Variants in CCDC73 observed in about 807,000 individuals in gnomAD.
CCDC73 encodes the protein coiled-coil domain-containing protein 73.
A neutral mutation model predicts 116.5 loss-of-function variants in CCDC73; 95 were observed. The ratio of observed to expected loss-of-function variants is 0.82; its 90% CI spans 0.69 to 0.97. The LOEUF is 0.97. Ranked by LOEUF, CCDC73 falls within the 50% of genes least tolerant of loss-of-function variation. CCDC73 has a pLI of 0.00. For missense variants in CCDC73, 1,066 were observed against 1,206.8 expected (o/e 0.88, Z 1.73); for synonymous variants, 398 against 401.3 (o/e 0.99, Z 0.10).
chr11:32,810,632 A>G, the CCDC73 span, among the ~76,000 whole-genome samples: 1 of 152,198 alleles, frequency 6.6e-6, no homozygotes, highest in Non-Finnish European at 1.5e-5. Flanking sequence ...ATATAGAATA[A>G]TAAGAGAAAA....
At chr11:32,738,033 T>C (rs1850151232) in intron 2 of CCDC73, among the ~76,000 whole-genome samples, 1 of 152,212 alleles carries the variant, frequency 6.6e-6, no homozygotes, top group South Asian at 2.1e-4. Flanking sequence ...ATCTCATTCT[T>C]CTTTATGGCT....
At chr11:32,745,905 T>G (rs1850233930) in intron 2 of CCDC73, among the ~76,000 whole-genome samples, 1 of 152,138 alleles carries the variant, frequency 6.6e-6, no homozygotes, top group Non-Finnish European at 1.5e-5. Flanking sequence ...TCTTTTAGTT[T>G]GGGCATTTAG....
chr11:32,626,065 G>A (rs978263361), intron 14 of CCDC73, among the ~76,000 whole-genome samples: 29 of 147,586 alleles, frequency 2.0e-4, no homozygotes, highest in African/African-American at 6.7e-4. Context: ...TGACATGATT[G>A]TATGTCTAGA....
intron 9 of CCDC73, among the ~76,000 whole-genome samples, chr11:32,670,890 G>GT (rs1856032320): frequency 6.6e-6 from 1 of 152,044 alleles, no homozygotes; most frequent in South Asian, 2.1e-4. Context: ...ACTGACAAAA[G>GT]TAAAAACTAG....
intron 6 of CCDC73, among the ~76,000 whole-genome samples, chr11:32,689,863 CG>C (rs1300162124): frequency 6.6e-6 from 1 of 151,998 alleles, no homozygotes; most frequent in Non-Finnish European, 1.5e-5. Flanking sequence ...GGAGTGGTGG[CG>C]GGCGCCTGTG....
chr11:32,699,021 A>C (rs1006842521), intron 6 of CCDC73, among the ~76,000 whole-genome samples: 1 of 151,934 alleles, frequency 6.6e-6, no homozygotes, highest in Non-Finnish European at 1.5e-5. Context: ...CTATTTAACT[A>C]TATTAATAAG....
rs1356986265 is a variant in CCDC73, at chr11:32,602,858, TC to T, written c.3192del (p.Arg1066GlufsTer13). The T allele has an allele frequency of 3.1e-6, 5 of 1,609,660 alleles. No individual in the cohort carries two copies. Among genetic ancestry groups the T allele is most frequent in the South Asian group, 1.1e-5 (1 of 90,168 alleles). ...LLSLENDNQP[K>X]KRKAEETLEK... ...TCCAACGTCTCTTCTGCTTTTCTTT[TC>T]TTTGGCTGGTTGTCATTTTCTAAAC... On this transcript the variant is annotated frameshift_variant, in exon 18 of 18. Transcript: ENST00000335185. LOFTEE classifies it high-confidence loss of function.
At chr11:32,606,549 C>G (rs1266270768) in intron 17 of CCDC73, among the ~76,000 whole-genome samples, 16 of 152,176 alleles carry the variant, frequency 1.1e-4, no homozygotes, top group Non-Finnish European at 2.9e-5. Context: ...GTAATAAGCA[C>G]TTAGAAAATG....
chr11:32,763,025 C>T (rs1418194216), intron 1 of CCDC73, among the ~76,000 whole-genome samples: 1 of 152,232 alleles, frequency 6.6e-6, no homozygotes, highest in Non-Finnish European at 1.5e-5. Context: ...TGAGACCTAA[C>T]TGCAAGGCGG....
intron 14 of CCDC73, among the ~76,000 whole-genome samples, chr11:32,620,355 C>A (rs1186752980): frequency 6.6e-6 from 1 of 152,094 alleles, no homozygotes; most frequent in African/African-American, 2.4e-5. Flanking sequence ...AACACACATG[C>A]ACCCAAGACA....
intron 6 of CCDC73, among the ~76,000 whole-genome samples, chr11:32,693,357 G>A (rs1398681143): frequency 1.3e-5 from 2 of 152,212 alleles, no homozygotes; most frequent in South Asian, 2.1e-4. Context: ...GGGGTTGGGA[G>A]AAATCACAAG....
chr11:32,644,561 G>A (rs554489125), intron 12 of CCDC73, among the ~76,000 whole-genome samples: 173 of 152,192 alleles, frequency 1.1e-3, no homozygotes, highest in Admixed American at 1.9e-3. Flanking sequence ...TCACAATGTT[G>A]TACAACTATC....
chr11:32,796,132 A>C (rs1850726004), upstream of CCDC73, among the ~76,000 whole-genome samples: 1 of 152,176 alleles, frequency 6.6e-6, no homozygotes, highest in Admixed American at 6.5e-5. Flanking sequence ...ACACCCATGC[A>C]CATCCCCTAC....
chr11:32,817,063 G>T, the CCDC73 span, among the ~76,000 whole-genome samples: 1 of 152,192 alleles, frequency 6.6e-6, no homozygotes, highest in African/African-American at 2.4e-5. Context: ...GGGATTACAG[G>T]CGTGAGCCAC....
intron 2 of CCDC73, among the ~76,000 whole-genome samples, chr11:32,724,580 G>T (rs371662503): frequency 1.0e-5 from 1 of 97,150 alleles, no homozygotes; most frequent in Non-Finnish European, 2.2e-5. Flanking sequence ...ACTTACTTCC[G>T]ATTTTTTAGA....
chr11:32,718,684 C>A (rs1849965740), intron 2 of CCDC73, among the ~76,000 whole-genome samples: 1 of 152,108 alleles, frequency 6.6e-6, no homozygotes, highest in Admixed American at 6.5e-5. Flanking sequence ...GGGAGGGCAA[C>A]AGAAACTATA....
chr11:32,797,286 A>G (rs1264039235), upstream of CCDC73, among the ~76,000 whole-genome samples: 1 of 152,124 alleles, frequency 6.6e-6, no homozygotes, highest in Non-Finnish European at 1.5e-5. Flanking sequence ...CACTCCAGCC[A>G]GGGTGACAGA....
intron 14 of CCDC73, among the ~76,000 whole-genome samples, chr11:32,620,509 G>C (rs1238329511): frequency 1.3e-5 from 2 of 150,942 alleles, no homozygotes. Flanking sequence ...TACTTGGGAG[G>C]CTGAGGCAGG....
In CCDC73 at chr11:32,755,175, C is replaced by T. The variant is rs113181399; in HGVS notation, c.135+4934G>A. 6.7e-5 allele frequency among the ~76,000 whole-genome samples: 10 copies of T among 149,050 alleles called. No individual in the cohort carries two copies. The East Asian group carries it at 8.0e-4, about 12-fold the overall frequency. On this transcript the variant is annotated intron_variant, in intron 2 of 17. Transcript: ENST00000335185. ...TGCTGGGATTACAGGTGTGAGCCAC[C>T]GCACCCAGTCAGCTTCGACATTTTT...
Sources: allele counts gnomAD v4.1 joint callset (sites outside exome capture counted in the v4.1 genomes callset), GRCh38; gene constraint gnomAD v4.1.1; transcripts MANE v1.5; gene names NCBI Gene and HGNC (gene_info 2026-07-23, HGNC 2026-07-21).